Variants in SKA2 observed in about 807,000 individuals in gnomAD.
SKA2 encodes spindle and kinetochore associated complex subunit 2, also known as spindle and kinetochore-associated protein 2.
In SKA2, 13 loss-of-function variants were observed where a neutral mutation model predicts 16.9. The observed-to-expected ratio is 0.77, with a 90% CI of 0.50 to 1.22. The LOEUF (loss-of-function observed/expected upper bound fraction) is 1.22. Among genes scored for constraint, SKA2 ranks in the 50% most tolerant of loss-of-function variants. SKA2 has a pLI of 0.00. For missense variants in SKA2, 107 were observed against 139.7 expected (o/e 0.77, Z 1.18); for synonymous variants, 47 against 48.5 (o/e 0.97, Z 0.13).
chr17:59,147,758 C>T (rs2046544731), intron 1 of SKA2, among the ~76,000 whole-genome samples: 1 of 150,150 alleles, frequency 6.7e-6, no homozygotes, highest in East Asian at 2.0e-4. Context: ...GCCACCGTGC[C>T]TGGCCTTTGC....
At chr17:59,116,053 C>T (rs1488194563) in intron 3 of SKA2, among the ~76,000 whole-genome samples, 1 of 151,672 alleles carries the variant, frequency 6.6e-6, no homozygotes, top group Non-Finnish European at 1.5e-5. Context: ...ATGAGATCAC[C>T]TTTATAATTG....
intron 2 of SKA2, among the ~76,000 whole-genome samples, chr17:59,128,628 A>C (rs1404290602): frequency 6.6e-6 from 1 of 150,924 alleles, no homozygotes; most frequent in East Asian, 1.9e-4. Flanking sequence ...TCGGTCTCAA[A>C]AAAAAAAAAA....
intron 2 of SKA2, among the ~76,000 whole-genome samples, chr17:59,129,711 C>T (rs2046397606): frequency 6.6e-6 from 1 of 151,698 alleles, no homozygotes; most frequent in South Asian, 2.1e-4. Flanking sequence ...AAAAATTAGC[C>T]GAGCATGGTA....
At chr17:59,118,454 T>C (rs1049035483) in intron 3 of SKA2, among the ~76,000 whole-genome samples, 1 of 152,200 alleles carries the variant, frequency 6.6e-6, no homozygotes, top group Non-Finnish European at 1.5e-5. Flanking sequence ...TCTATACAGA[T>C]ATGTTGTCAT....
chr17:59,115,357 CTAAATT>C (rs930470925), intron 3 of SKA2, among the ~76,000 whole-genome samples: 4 of 152,046 alleles, frequency 2.6e-5, no homozygotes, highest in African/African-American at 4.8e-5. Context: ...CATGCCCAGT[CTAAATT>C]TAAATTTATA....
intron 1 of SKA2, among the ~76,000 whole-genome samples, chr17:59,150,390 C>G (rs2046568063): frequency 2.6e-5 from 4 of 152,144 alleles, no homozygotes; most frequent in Admixed American, 2.0e-4. Flanking sequence ...AACAAACACT[C>G]TTAGGTTTTA....
chr17:59,130,333 C>T (rs1325777915), intron 2 of SKA2, among the ~76,000 whole-genome samples: 4 of 151,296 alleles, frequency 2.6e-5, no homozygotes, highest in Admixed American at 6.6e-5. Flanking sequence ...AAATATTGGT[C>T]GCACGTGGTG....
At position 59,138,649 on chromosome 17, in the gene SKA2, C is replaced by T. The variant is rs915480587; in HGVS notation, c.34-7282G>A. 3.3e-5 allele frequency among the ~76,000 whole-genome samples: 5 copies of T among 152,024 alleles called. No homozygotes were observed. The South Asian group carries it at 1.0e-3, about 32-fold the overall frequency. ...GTTTCACCATTTTGCCCAGACTAGT[C>T]TTGACCTCCCGAGCTCAAGTGATCT... On this transcript the variant is annotated intron_variant, in intron 1 of 3. Coordinates refer to ENST00000330137, the MANE Select transcript of SKA2 (RefSeq NM_182620.4).
intron 2 of SKA2, among the ~76,000 whole-genome samples, chr17:59,125,527 C>A (rs1423525844): frequency 6.6e-6 from 1 of 150,496 alleles, no homozygotes; most frequent in East Asian, 2.0e-4. Flanking sequence ...ATGGTGAAAC[C>A]CCGTCTCTAA....
At chr17:59,112,802 C>G in intron 3 of SKA2, among the ~76,000 whole-genome samples, 1 of 152,008 alleles carries the variant, frequency 6.6e-6, no homozygotes, top group Non-Finnish European at 1.5e-5. Flanking sequence ...ATACCTAATA[C>G]AATGTAAATG....
chr17:59,146,308 G>A (rs1043788672), intron 1 of SKA2, among the ~76,000 whole-genome samples: 5 of 152,150 alleles, frequency 3.3e-5, no homozygotes, highest in African/African-American at 4.8e-5. Context: ...AGACCAGCCC[G>A]GCCAATGTGG....
chr17:59,124,974 CTTTT>C (rs35130048), intron 2 of SKA2, among the ~76,000 whole-genome samples: 3 of 135,088 alleles, frequency 2.2e-5, no homozygotes, highest in African/African-American at 2.7e-5. Flanking sequence ...CCACTACATT[CTTTT>C]TTTTTTTTTT....
chr17:59,113,894 T>G (rs1012033525), intron 3 of SKA2, among the ~76,000 whole-genome samples: 5 of 151,886 alleles, frequency 3.3e-5, no homozygotes, highest in Non-Finnish European at 7.4e-5. Context: ...AGGAAAGACT[T>G]CTGGGCTGAC....
intron 1 of SKA2, among the ~76,000 whole-genome samples, chr17:59,144,026 T>C (rs2046512566): frequency 6.6e-6 from 1 of 151,856 alleles, no homozygotes; most frequent in South Asian, 2.1e-4. Context: ...CGTGGCGTCA[T>C]GCGCCTGTAG....
chr17:59,151,157 A>G (rs1233113291), intron 1 of SKA2: 1 of 510,610 alleles, frequency 2.0e-6, no homozygotes, highest in African/African-American at 1.9e-5. Flanking sequence ...ATGCTTTGAC[A>G]ATACTATTGC....
intron 1 of SKA2, among the ~76,000 whole-genome samples, chr17:59,133,099 C>T (rs960726867): frequency 6.6e-6 from 1 of 152,162 alleles, no homozygotes. Context: ...TACCTCCTTC[C>T]GAGTGCACCT....
chr17:59,149,165 T>C (rs1341788547), intron 1 of SKA2, among the ~76,000 whole-genome samples: 1 of 152,190 alleles, frequency 6.6e-6, no homozygotes, highest in Admixed American at 6.6e-5. Flanking sequence ...TTTATCAGGC[T>C]ACCAGAAATC....
intron 2 of SKA2, among the ~76,000 whole-genome samples, chr17:59,124,835 GACA>G (rs1410010206): frequency 6.6e-6 from 1 of 152,246 alleles, no homozygotes; most frequent in Non-Finnish European, 1.5e-5. Context: ...AGTAATTTAG[GACA>G]ACATGATTTG....
chr17:59,146,122 A>T (rs1375999170), intron 1 of SKA2, among the ~76,000 whole-genome samples: 1 of 152,210 alleles, frequency 6.6e-6, no homozygotes, highest in African/African-American at 2.4e-5. Context: ...AAAATGTCTT[A>T]AAAAGTTATA....
Sources: allele counts gnomAD v4.1 joint callset (sites outside exome capture counted in the v4.1 genomes callset), GRCh38; gene constraint gnomAD v4.1.1; transcripts MANE v1.5; gene names NCBI Gene and HGNC (gene_info 2026-07-23, HGNC 2026-07-21).